Variants in SLC9A3 observed in about 807,000 individuals in gnomAD.
SLC9A3 encodes the protein solute carrier family 9 member A3, also known as sodium/hydrogen exchanger 3.
SLC9A3 carries 37 observed loss-of-function variants against 86.8 expected under a neutral mutation model. The observed-to-expected ratio is 0.43, with a 90% CI of 0.33 to 0.56. The LOEUF is 0.56. Ranked by LOEUF, SLC9A3 falls within the 20% of genes least tolerant of loss-of-function variation. SLC9A3 has a pLI of 0.06. For synonymous variants in SLC9A3, 581 were observed against 528.3 expected (o/e 1.10, Z -1.37); for missense variants, 1,011 against 1,171.9 (o/e 0.86, Z 2.00).
At chr5:509,410 TGCCACTGCACTGCA>T (rs2126649334) in intron 1 of SLC9A3, among the ~76,000 whole-genome samples, 1 of 147,566 alleles carries the variant, frequency 6.8e-6, no homozygotes, top group South Asian at 2.2e-4. Context: ...GCTGAGCTCA[TGCCACTGCACTGCA>T]GCCTGGGCGA....
intron 9 of SLC9A3, among the ~76,000 whole-genome samples, chr5:481,242 T>G (rs1396857231): frequency 9.9e-5 from 15 of 152,240 alleles, no homozygotes; most frequent in Admixed American, 9.8e-4. Flanking sequence ...GAGGAAATAA[T>G]CTATTTGCCT....
chr5:487,652 TTTG>T (rs1411074396), intron 3 of SLC9A3, among the ~76,000 whole-genome samples: 1 of 152,204 alleles, frequency 6.6e-6, no homozygotes, highest in Non-Finnish European at 1.5e-5. Context: ...CCTATGGGAT[TTTG>T]TTGTTTGCTA....
intron 5 of SLC9A3, 32 bp downstream of exon 5, chr5:484,488 T>G (rs746260611): frequency 6.2e-7 from 1 of 1,606,224 alleles, no homozygotes; most frequent in South Asian, 1.1e-5. Context: ...GAGGAGGGCG[T>G]GGAGAAGCTC....
rs765301877 is a variant in SLC9A3 at position 476,567 on chromosome 5, C to T, written c.1866G>A (p.Gln622=). The change falls in exon 12 of 17, where the codon CAG becomes CAA. Residue 622 remains glutamine, a synonymous_variant. Transcript: ENST00000264938. ...CCTCCTGCCGCGGCTTGTACAGGTA[C>T]TGCTGTAGCGTGTGGTGCGTGACCA... ...EDMVTHHTLQ[Q]YLYKPRQEYK... 6.8e-6 allele frequency: 11 copies of T among 1,611,450 alleles called. No homozygotes were observed. The highest frequency in any genetic ancestry group is 6.6e-5 in the South Asian group (6 of 91,072).
intron 5 of SLC9A3, among the ~76,000 whole-genome samples, 178 bp from the exon 6 acceptor site, chr5:483,660 G>A (rs764054914): frequency 4.6e-5 from 7 of 152,210 alleles, no homozygotes; most frequent in African/African-American, 1.4e-4. Context: ...ACAGCCCTGC[G>A]GGGGCCACAG....
At chr5:499,900 T>C (rs542392450) in intron 1 of SLC9A3, among the ~76,000 whole-genome samples, 14 of 152,248 alleles carry the variant, frequency 9.2e-5, no homozygotes, top group East Asian at 1.9e-4. Flanking sequence ...AGAGATACCA[T>C]GGGAGTGTGG....
At chr5:519,653 A>G (rs1265109650) in intron 1 of SLC9A3, among the ~76,000 whole-genome samples, 40 of 152,236 alleles carry the variant, frequency 2.6e-4, no homozygotes, top group Non-Finnish European at 3.1e-4. Context: ...GCACCCACCC[A>G]GACAACAAGG....
rs1482483635 is a variant in SLC9A3 at position 472,843 on chromosome 5, G to T, written c.*536C>A. 7.7e-6 allele frequency: 4 copies of T among 521,986 alleles called. No individual in the cohort carries two copies. Among genetic ancestry groups the T allele is most frequent in the Admixed American group, 2.6e-5 (1 of 39,070 alleles). 32.3% of individuals were successfully genotyped at this position (521,986 alleles called of 1,614,324 possible). On this transcript the variant is annotated 3_prime_UTR_variant, in exon 17 of 17. Transcript: ENST00000264938. ...CCCGGGCGCGGGGCTCGGTTGGGGG[G>T]GCCCGGAACCTTGGGCTGGTTTCAC...
At chr5:507,932 C>T (rs1369657347) in intron 1 of SLC9A3, among the ~76,000 whole-genome samples, 2 of 141,106 alleles carry the variant, frequency 1.4e-5, no homozygotes, top group South Asian at 2.4e-4. Context: ...CACAGACGCC[C>T]GAATCTCCAC....
chr5:522,345 T>C (rs548275038), intron 1 of SLC9A3, among the ~76,000 whole-genome samples: 1 of 152,344 alleles, frequency 6.6e-6, no homozygotes, highest in African/African-American at 2.4e-5. Context: ...TCAGTGTGCC[T>C]TATCTGCCGG....
intron 16 of SLC9A3, 24 bp from the exon 17 acceptor site, chr5:473,406 G>A: frequency 7.2e-7 from 1 of 1,390,938 alleles, no homozygotes; most frequent in Non-Finnish European, 9.4e-7. Flanking sequence ...AGGCGTGAGC[G>A]GCGCGCGGAG....
intron 1 of SLC9A3, among the ~76,000 whole-genome samples, chr5:518,489 AC>A (rs1373336969): frequency 4.6e-5 from 7 of 152,292 alleles, no homozygotes; most frequent in South Asian, 4.1e-4. Flanking sequence ...AACACCTGGC[AC>A]CCTGACACCT....
At position 517,870 on chromosome 5, in the gene SLC9A3, CATCCATCCATCCACTT is replaced by C. The variant is rs1357643645; in HGVS notation, c.211+6226_211+6241del. 4.0e-5 allele frequency among the ~76,000 whole-genome samples: 6 copies of C among 151,694 alleles called. No individual in the cohort carries two copies. In the East Asian group the frequency reaches 5.8e-4, roughly 15 times the overall value. ...CCACCCATCTGACCATTCACTCATC[CATCCATCCATCCACTT>C]ATCCATCCATCCACCCATCATCCAT... On this transcript the variant is annotated intron_variant, in intron 1 of 16. Transcript: ENST00000264938.
At chr5:486,274 A>T (rs1262785830) in intron 3 of SLC9A3, among the ~76,000 whole-genome samples, 2 of 151,756 alleles carry the variant, frequency 1.3e-5, no homozygotes, top group Non-Finnish European at 2.9e-5. Context: ...GGGGGCTGGG[A>T]TGGTGTCGGG....
chr5:507,270 C>G (rs1438583402), intron 1 of SLC9A3, among the ~76,000 whole-genome samples: 1 of 133,914 alleles, frequency 7.5e-6, no homozygotes, highest in Non-Finnish European at 1.5e-5. Context: ...CGGGTTCACG[C>G]CATTCTCCTG....
At chr5:507,961 CCCACCCCACAGACGCCCGAATCT>C (rs1560971800) in intron 1 of SLC9A3, among the ~76,000 whole-genome samples, 7 of 146,308 alleles carry the variant, frequency 4.8e-5, no homozygotes, top group Non-Finnish European at 7.4e-5. Context: ...CGCCCGAATC[CCCACCCCACAGACGCCCGAATCT>C]CCACCCCACA....
At chr5:498,644 C>T (rs959140974) in intron 1 of SLC9A3, among the ~76,000 whole-genome samples, 4 of 152,136 alleles carry the variant, frequency 2.6e-5, no homozygotes, top group East Asian at 1.9e-4. Flanking sequence ...TCAAGCGACA[C>T]GCCCACCTCG....
Position 473,283 on chromosome 5 carries a change from G to C in SLC9A3, c.*96C>G. The C allele has an allele frequency of 3.2e-6, 4 of 1,254,400 alleles. No individual in the cohort carries two copies. The highest frequency in any genetic ancestry group is 4.1e-6 in the Non-Finnish European group (4 of 981,514). 77.7% of individuals were successfully genotyped at this position (1,254,400 alleles called of 1,614,324 possible). On this transcript the variant is annotated 3_prime_UTR_variant, in exon 17 of 17. Transcript: ENST00000264938. The stretch of plus-strand genomic sequence containing the variant: ...CGGGGCTCGCGGTCGCTGTAGCCGC[G>C]CGGGGATCTGGGGTTTCTCTGGGAC...
intron 7 of SLC9A3, among the ~76,000 whole-genome samples, 188 bp from the exon 8 acceptor site, chr5:482,345 G>A (rs1054956083): frequency 2.0e-5 from 3 of 152,102 alleles, no homozygotes; most frequent in African/African-American, 4.8e-5. Context: ...ATCCACCAGC[G>A]AAGGCCCGGG....
Sources: gnomAD v4.1 joint callset for allele counts (sites outside exome capture counted in the v4.1 genomes callset) on GRCh38, gnomAD v4.1.1 for gene constraint, MANE v1.5 for transcripts, NCBI Gene and HGNC (gene_info 2026-07-23, HGNC 2026-07-21) for gene names.